Variants in SHANK2 observed in about 807,000 individuals in gnomAD.
SHANK2 encodes SH3 and multiple ankyrin repeat domains protein 2.
SHANK2 carries 43 observed loss-of-function variants against 133.7 expected under a neutral mutation model. The observed-to-expected ratio is 0.32, with a 90% CI of 0.25 to 0.41. The LOEUF (loss-of-function observed/expected upper bound fraction) is 0.41. SHANK2 is among the 10% of genes least tolerant of loss of function. The probability of loss-of-function intolerance (pLI) is 1.00; values close to 1 mark genes in which losing one functional copy is unlikely to be tolerated. For missense variants in SHANK2, 1,994 were observed against 2,235.8 expected, an observed-to-expected ratio of 0.89 and a Z score of 2.18; for synonymous variants, 1,017 against 952.8, an observed-to-expected ratio of 1.07 and a Z score of -1.24.
chr11:71,158,252 G>C (rs1269837562), intron 2 of SHANK2, among the ~76,000 whole-genome samples: 1 of 151,720 alleles, frequency 6.6e-6, no homozygotes, highest in Non-Finnish European at 1.5e-5. Context: ...CATAAAACTA[G>C]TTAAAAAAAA....
intron 10 of SHANK2, among the ~76,000 whole-genome samples, chr11:70,921,849 AT>A (rs1344606301): frequency 2.0e-5 from 3 of 152,336 alleles, no homozygotes; most frequent in African/African-American, 7.2e-5. Context: ...AGTCTCCATA[AT>A]TTTTAAATAT....
At chr11:71,136,104 A>T (rs1555104739) in intron 3 of SHANK2, among the ~76,000 whole-genome samples, 1 of 152,216 alleles carries the variant, frequency 6.6e-6, no homozygotes, top group African/African-American at 2.4e-5. Context: ...AAAAGTGGAA[A>T]GAATCCAGCT....
rs1591840380 is a variant in SHANK2, at chr11:70,783,380, G to A, written c.1777+15063C>T. On this transcript the variant is annotated intron_variant, in intron 14 of 25. Transcript: ENST00000601538. The stretch of plus-strand genomic sequence containing the variant: ...AAGGGTAGGGACTCCCACAGCAAGC[G>A]GACTACGACTGCCCACGGCGGGACA... Among the ~76,000 whole-genome samples the A allele has an allele frequency of 2.6e-5, 4 of 152,104 alleles. No individual in the cohort carries two copies. The South Asian group carries it at 6.2e-4, about 24-fold the overall frequency.
intron 1 of SHANK2, among the ~76,000 whole-genome samples, chr11:71,247,779 T>C (rs1555125226): frequency 6.6e-6 from 1 of 152,160 alleles, no homozygotes; most frequent in African/African-American, 2.4e-5. Context: ...ATTGGGAGTT[T>C]GTGGCCTAAT....
chr11:71,222,520 C>A (rs782110634), intron 2 of SHANK2, among the ~76,000 whole-genome samples: 1 of 152,178 alleles, frequency 6.6e-6, no homozygotes, highest in African/African-American at 2.4e-5. Flanking sequence ...AGCTGTGAAC[C>A]GAGGCCCAGC....
chr11:70,493,169 TTTTG>T (rs561270997), intron 21 of SHANK2, among the ~76,000 whole-genome samples: 36 of 151,506 alleles, frequency 2.4e-4, no homozygotes, highest in African/African-American at 6.0e-4. Flanking sequence ...AAGTTTTTTT[TTTTG>T]TTTGTTTTTG....
intron 17 of SHANK2, among the ~76,000 whole-genome samples, chr11:70,519,197 C>T (rs1449427355): frequency 2.6e-5 from 4 of 152,160 alleles, no homozygotes; most frequent in African/African-American, 7.2e-5. Flanking sequence ...ATGAGCACTG[C>T]ACCCAGCCAC....
chr11:70,618,166 C>T (rs1008435724), intron 17 of SHANK2, among the ~76,000 whole-genome samples: 1 of 151,600 alleles, frequency 6.6e-6, no homozygotes, highest in Non-Finnish European at 1.5e-5. Flanking sequence ...CGTGGTGGCA[C>T]GCCTGTAATC....
intron 22 of SHANK2, 142 bp from the exon 23 acceptor site, chr11:70,490,529 C>G (rs926665914): frequency 4.1e-6 from 3 of 731,174 alleles, no homozygotes; most frequent in African/African-American, 3.5e-5. Flanking sequence ...TCCAGTGGGG[C>G]TGATGAGAAC....
chr11:70,486,041 C>T lies in SHANK2; in HGVS notation c.4252G>A (p.Ala1418Thr), dbSNP rs1555153226. Residue 1418 changes from alanine (A) to threonine (T), a missense_variant, in exon 25 of 26, where the codon GCA becomes ACA. This residue lies in a region of SHANK2 where 797 missense variants were observed against 907.4 expected (regional missense o/e 0.88). Coordinates refer to ENST00000601538, the MANE Select transcript of SHANK2 (RefSeq NM_012309.5). The surrounding 1 kb of genome is among the most constrained non-coding windows in gnomAD (Gnocchi z 8.0). Reference protein sequence around the residue: ...TEPLPPPLEFANSFDIPDDRA... With the variant: ...TEPLPPPLEFTNSFDIPDDRA... ...TCATCGGGGATATCAAAACTATTTGCAAATTCCAGGGGAGGAGGCAATGGC... is the reference window on the plus strand; with the variant it reads ...TCATCGGGGATATCAAAACTATTTGTAAATTCCAGGGGAGGAGGCAATGGC... The T allele has an allele frequency of 7.4e-6, 12 of 1,614,030 alleles. No individual in the cohort carries two copies. The highest frequency in any genetic ancestry group is 1.3e-5 in the African/African-American group (1 of 75,034).
chr11:70,828,442 A>G (rs1385337319), intron 11 of SHANK2, among the ~76,000 whole-genome samples: 1 of 152,230 alleles, frequency 6.6e-6, no homozygotes, highest in Non-Finnish European at 1.5e-5. Context: ...CATTTCTAAG[A>G]CTTGCATTAA....
chr11:70,828,715 C>A (rs114218467), intron 11 of SHANK2, among the ~76,000 whole-genome samples: 2 of 152,208 alleles, frequency 1.3e-5, no homozygotes. Context: ...GAGGCTGAGA[C>A]GGGGATGCCA....
At chr11:70,694,541 T>C (rs1235201878) in intron 15 of SHANK2, among the ~76,000 whole-genome samples, 1 of 152,232 alleles carries the variant, frequency 6.6e-6, no homozygotes, top group Non-Finnish European at 1.5e-5. Context: ...CACAGCCTAC[T>C]GTGGATAATT....
At chr11:71,092,646 T>G in intron 7 of SHANK2, 57 bp from the exon 8 acceptor site, 1 of 1,518,560 alleles carries the variant, frequency 6.6e-7, no homozygotes, top group Non-Finnish European at 8.9e-7. Context: ...TTTTGCAGAG[T>G]GAGGTGATCC....
At chr11:71,201,993 A>T (rs1954029411) in intron 2 of SHANK2, among the ~76,000 whole-genome samples, 1 of 152,334 alleles carries the variant, frequency 6.6e-6, no homozygotes, top group East Asian at 1.9e-4. Flanking sequence ...AATTATTGTT[A>T]TTTGGACAAG....
chr11:70,616,688 T>C (rs1554996057), intron 17 of SHANK2, among the ~76,000 whole-genome samples: 1 of 152,098 alleles, frequency 6.6e-6, no homozygotes, highest in East Asian at 1.9e-4. Flanking sequence ...TGGGGGGATC[T>C]GAGGCCTCCG....
intron 11 of SHANK2, among the ~76,000 whole-genome samples, chr11:70,884,635 T>G (rs1311649067): frequency 6.6e-6 from 1 of 152,258 alleles, no homozygotes; most frequent in Non-Finnish European, 1.5e-5. Flanking sequence ...GACCTCTCCC[T>G]GCCTACGGTG....
At chr11:70,497,780 G>A (rs1386103095) in intron 21 of SHANK2, among the ~76,000 whole-genome samples, 1 of 152,238 alleles carries the variant, frequency 6.6e-6, no homozygotes, top group Admixed American at 6.5e-5. Context: ...AAATCGAGGA[G>A]TGACACGACC....
intron 21 of SHANK2, 48 bp from the exon 22 acceptor site, chr11:70,492,513 C>G: frequency 6.2e-7 from 1 of 1,612,120 alleles, no homozygotes; most frequent in Non-Finnish European, 8.5e-7. Context: ...GTGGGGGAAG[C>G]TGGGTGTAGA....
Sources: allele counts gnomAD v4.1 joint callset (sites outside exome capture counted in the v4.1 genomes callset), GRCh38; gene constraint gnomAD v4.1.1; regional missense constraint gnomAD v4.1.1; non-coding constraint Gnocchi (gnomAD v3.1); transcripts MANE v1.5; gene names NCBI Gene and HGNC (gene_info 2026-07-23, HGNC 2026-07-21).